OSTF1: variants seen among roughly 807,000 people sequenced by gnomAD.
OSTF1 encodes the protein osteoclast-stimulating factor 1.
In OSTF1, 27 loss-of-function variants were observed where a neutral mutation model predicts 37.2. The ratio of observed to expected loss-of-function variants is 0.73; its 90% CI spans 0.54 to 1.00. The LOEUF is 1.00. OSTF1 is among the 50% of genes least tolerant of loss of function. OSTF1 has a pLI of 0.00. For missense variants in OSTF1, 232 were observed against 253.8 expected (o/e 0.91, Z 0.58); for synonymous variants, 82 against 89.2 (o/e 0.92, Z 0.46).
At chr9:75,111,488 T>G (rs900281043) in intron 1 of OSTF1, among the ~76,000 whole-genome samples, 1 of 152,144 alleles carries the variant, frequency 6.6e-6, no homozygotes, top group Non-Finnish European at 1.5e-5. Context: ...TGATCTTGCT[T>G]ACGTGAAGAG....
intron 3 of OSTF1, among the ~76,000 whole-genome samples, chr9:75,128,951 A>G (rs1268853458): frequency 6.6e-6 from 1 of 152,014 alleles, no homozygotes; most frequent in South Asian, 2.1e-4. Flanking sequence ...CAATAATAAT[A>G]TGTTATTTTC....
intron 2 of OSTF1, among the ~76,000 whole-genome samples, chr9:75,120,281 A>G (rs991938343): frequency 2.6e-5 from 4 of 152,188 alleles, no homozygotes; most frequent in East Asian, 1.9e-4. Flanking sequence ...CAAAGAGCCC[A>G]TAACAGGGAA....
chr9:75,141,296 C>T (rs149158106), intron 9 of OSTF1, among the ~76,000 whole-genome samples: 1 of 82,166 alleles, frequency 1.2e-5, no homozygotes, highest in African/African-American at 4.7e-5. Context: ...AAGACCATAT[C>T]TCAAAAAAAG....
chr9:75,104,728 C>T (rs921092706), intron 1 of OSTF1, among the ~76,000 whole-genome samples: 11 of 152,106 alleles, frequency 7.2e-5, no homozygotes, highest in African/African-American at 2.4e-4. Flanking sequence ...TTTATGGGCA[C>T]GTACAACACA....
intron 1 of OSTF1, among the ~76,000 whole-genome samples, chr9:75,110,896 T>C (rs1825374902): frequency 1.3e-5 from 2 of 152,018 alleles, no homozygotes; most frequent in African/African-American, 2.4e-5. Context: ...TTTTAAATTT[T>C]TTTTGTAGAG....
chr9:75,114,153 T>G (rs1022454166), intron 1 of OSTF1, among the ~76,000 whole-genome samples: 18 of 150,484 alleles, frequency 1.2e-4, no homozygotes, highest in African/African-American at 4.1e-4. Context: ...TAGTATTCTA[T>G]TGTGTGTGTG....
In OSTF1 at chr9:75,130,618, C is replaced by T. The variant is rs1371971206; in HGVS notation, c.173C>T (p.Thr58Ile). ...TGGAAAGGCACCTCCAAAGGCAGGA[C>T]TGGACTAATTCCAAGCAACTATGGT... The part of the protein sequence containing the change: ...NWWKGTSKGR[T>I]GLIPSNYVAE... Residue 58 changes from threonine (T) to isoleucine (I), a missense_variant, in exon 4 of 10, where the codon ACT becomes ATT. Transcript: ENST00000346234. 6.2e-7 allele frequency: 1 copy of T among 1,611,634 alleles called. No homozygotes were observed.
intron 1 of OSTF1, among the ~76,000 whole-genome samples, chr9:75,100,869 T>A (rs1171507866): frequency 2.0e-5 from 3 of 152,108 alleles, no homozygotes; most frequent in Admixed American, 2.0e-4. Context: ...GAAAGGGGGA[T>A]TTCGGCGAGA....
intron 9 of OSTF1, among the ~76,000 whole-genome samples, chr9:75,143,762 G>T (rs763413183): frequency 3.3e-5 from 5 of 152,236 alleles, no homozygotes; most frequent in Non-Finnish European, 7.3e-5. Context: ...TGGCAGTGCT[G>T]CAGGAAGATA....
At chr9:75,132,291 C>T (rs1371616124) in intron 5 of OSTF1, among the ~76,000 whole-genome samples, 1 of 152,022 alleles carries the variant, frequency 6.6e-6, no homozygotes, top group African/African-American at 2.4e-5. Context: ...GAGCATTTGG[C>T]CAGGGAGGGC....
At chr9:75,145,676 A>C (rs1350564044) in intron 9 of OSTF1, among the ~76,000 whole-genome samples, 8 of 152,222 alleles carry the variant, frequency 5.3e-5, no homozygotes, top group Non-Finnish European at 1.5e-5. Context: ...TAAAATAATA[A>C]GCTGGTCTCT....
At chr9:75,107,209 CCT>C (rs150705210) in intron 1 of OSTF1, among the ~76,000 whole-genome samples, 11,164 of 152,044 alleles carry the variant, frequency 0.073, 840 homozygotes, top group African/African-American at 0.19. Context: ...ACGGACTCCC[CCT>C]GTTTTGTTTT....
chr9:75,120,986 G>T (rs114684464), intron 2 of OSTF1, among the ~76,000 whole-genome samples: 1 of 152,152 alleles, frequency 6.6e-6, no homozygotes, highest in East Asian at 1.9e-4. Flanking sequence ...ACTTCCACAC[G>T]TGGTATTTCA....
chr9:75,117,459 T>G (rs778484743), intron 1 of OSTF1, 45 bp from the exon 2 acceptor site: 1 of 1,427,390 alleles, frequency 7.0e-7, no homozygotes, highest in Non-Finnish European at 9.8e-7. Flanking sequence ...TAAGAGCAAA[T>G]TCAGGAATGA....
chr9:75,137,543 G>T lies in OSTF1; in HGVS notation c.414G>T (p.Lys138Asn). 6.2e-7 allele frequency: 1 copy of T among 1,604,954 alleles called. No homozygotes were observed. The highest frequency in any genetic ancestry group is 1.1e-5 in the South Asian group (1 of 90,882). ...QPNIELNQQN[K>N]LGDTALHAAA... ...TTCTCTTTTTATCACTATAGAACAA[G>T]TTGGGAGATACAGCTTTGCATGCTG... is the stretch of plus-strand genomic sequence containing the variant. Residue 138 changes from lysine to asparagine, a missense_variant, in exon 8 of 10, where the codon AAG (lysine) becomes AAT (asparagine). Transcript: ENST00000346234.
chr9:75,134,643 G>A (rs1466663403), intron 7 of OSTF1, among the ~76,000 whole-genome samples: 1 of 152,070 alleles, frequency 6.6e-6, no homozygotes, highest in African/African-American at 2.4e-5. Context: ...ATAGGCTGAC[G>A]GAGCTATCTC....
chr9:75,131,689 G>T, intron 4 of OSTF1, 81 bp from the exon 5 acceptor site: 1 of 973,762 alleles, frequency 1.0e-6, no homozygotes, highest in Non-Finnish European at 1.7e-6. Flanking sequence ...GAAGCTGGGG[G>T]ACTGTGGTGA....
chr9:75,141,984 G>T (rs955012566), intron 9 of OSTF1, among the ~76,000 whole-genome samples: 10 of 152,256 alleles, frequency 6.6e-5, no homozygotes, highest in African/African-American at 2.4e-4. Context: ...ATGGACTCAA[G>T]CCATCCTCCT....
At chr9:75,119,004 G>A (rs567576343) in intron 2 of OSTF1, among the ~76,000 whole-genome samples, 3 of 152,306 alleles carry the variant, frequency 2.0e-5, no homozygotes, top group Admixed American at 1.3e-4. Context: ...CTTGCTGCCC[G>A]CTTCACCTGG....
Sources: gnomAD v4.1 joint callset for allele counts (sites outside exome capture counted in the v4.1 genomes callset) on GRCh38, gnomAD v4.1.1 for gene constraint, MANE v1.5 for transcripts, NCBI Gene and HGNC (gene_info 2026-07-23, HGNC 2026-07-21) for gene names.